The following NEK11 variants were observed in gnomAD, a reference collection of about 807,000 sequenced individuals.
The protein encoded by NEK11 is serine/threonine-protein kinase Nek11.
NEK11 carries 72 observed loss-of-function variants against 80.7 expected under a neutral mutation model. The observed-to-expected ratio is 0.89, with a 90% confidence interval of 0.74 to 1.08. NEK11 has a LOEUF of 1.08. Ranked by LOEUF, NEK11 falls within the 50% of genes least tolerant of loss-of-function variation. The pLI, the probability that NEK11 is intolerant of heterozygous loss-of-function variation, is 0.00. For missense variants in NEK11, 764 were observed against 763.6 expected, an observed-to-expected ratio of 1.00 and a Z score of -0.01; for synonymous variants, 251 against 260.7, an observed-to-expected ratio of 0.96 and a Z score of 0.36.
intron 3 of NEK11, among the ~76,000 whole-genome samples, chr3:131,058,268 A>G (rs576471962): frequency 6.6e-6 from 1 of 152,286 alleles, no homozygotes; most frequent in East Asian, 1.9e-4. Context: ...TGGTACCAGT[A>G]CCATGCTGTT....
chr3:131,292,623 C>T (rs1175606179), intron 17 of NEK11, among the ~76,000 whole-genome samples: 1 of 151,768 alleles, frequency 6.6e-6, no homozygotes, highest in Non-Finnish European at 1.5e-5. Flanking sequence ...TCAGGTGATC[C>T]TTCTGCCTCA....
chr3:131,185,058 A>G (rs2093542845), intron 14 of NEK11, among the ~76,000 whole-genome samples: 1 of 152,180 alleles, frequency 6.6e-6, no homozygotes, highest in African/African-American at 2.4e-5. Flanking sequence ...TTACAGGTGC[A>G]CACTTGTTTC....
chr3:131,036,773 C>A (rs1186066783), intron 3 of NEK11, among the ~76,000 whole-genome samples: 2 of 152,142 alleles, frequency 1.3e-5, no homozygotes, highest in East Asian at 3.8e-4. Context: ...GTAGGAGGGG[C>A]CTGACAATTT....
chr3:131,149,165 C>A (rs1377806178), intron 7 of NEK11, among the ~76,000 whole-genome samples: 3 of 151,964 alleles, frequency 2.0e-5, no homozygotes, highest in Non-Finnish European at 4.4e-5. Flanking sequence ...CTCAAGTAGG[C>A]CCCAGTGTTT....
rs72991544 is a variant in NEK11, at chr3:131,256,942, G to A, written c.1621+13446G>A. ...CCTGGATGTGGCTGATGTTCCTACC[G>A]CAAACCTGCCTGGATGGACTTCATG... On this transcript the variant is annotated intron_variant, in intron 16 of 17. Coordinates refer to ENST00000383366, the MANE Select transcript of NEK11 (RefSeq NM_024800.5). Among the ~76,000 whole-genome samples the A allele has an allele frequency of 4.4e-3, 662 of 152,064 alleles. 5 individuals carry two copies. Among genetic ancestry groups the A allele is most frequent in the African/African-American group, 0.015 (636 of 41,474 alleles).
chr3:131,306,674 CA>C (rs1371114114), intron 17 of NEK11, among the ~76,000 whole-genome samples: 1 of 152,186 alleles, frequency 6.6e-6, no homozygotes, highest in Admixed American at 6.5e-5. Flanking sequence ...CTAAGAAGAA[CA>C]GAGCGCACTG....
At chr3:131,116,644 C>T (rs2081285058) in intron 5 of NEK11, among the ~76,000 whole-genome samples, 1 of 152,150 alleles carries the variant, frequency 6.6e-6, no homozygotes, top group South Asian at 2.1e-4. Flanking sequence ...CCTGTTGTTT[C>T]CTGACTTTTT....
intron 3 of NEK11, among the ~76,000 whole-genome samples, chr3:131,077,035 C>T (rs1553848090): frequency 6.6e-6 from 1 of 152,132 alleles, no homozygotes; most frequent in Non-Finnish European, 1.5e-5. Flanking sequence ...AGGCCAATTT[C>T]AAGGGAATGA....
At chr3:131,168,365 A>T (rs2718882) in intron 12 of NEK11, among the ~76,000 whole-genome samples, 117,349 of 147,150 alleles carry the variant, frequency 0.8, 46,663 homozygotes, top group East Asian at 0.85. Flanking sequence ...TTATTTATTT[A>T]TTTTTTTTTG....
chr3:131,204,689 G>A (rs1282270009), intron 14 of NEK11, among the ~76,000 whole-genome samples: 1 of 151,680 alleles, frequency 6.6e-6, no homozygotes, highest in Non-Finnish European at 1.5e-5. Flanking sequence ...TAAATAAATA[G>A]TACTACAATG....
In NEK11 at chr3:131,133,940, A is replaced by G; in HGVS notation, c.631A>G (p.Thr211Ala). ...GGCTCTGAAACACCAAGGCTATGAC[A>G]CAAAGTCGGACATCTGGTGAGTGGG... The part of the protein sequence containing the change: ...PEALKHQGYD[T>A]KSDIWSLACI... The change falls in exon 7 of 18, where the codon ACA (threonine) becomes GCA (alanine). Residue 211 changes from threonine (T) to alanine (A), a missense_variant. Transcript: ENST00000383366. 6.2e-7 allele frequency: 1 copy of G among 1,609,652 alleles called. No individual in the cohort carries two copies. The highest frequency in any genetic ancestry group is 8.5e-7 in the Non-Finnish European group (1 of 1,177,588).
chr3:131,191,891 T>C (rs969181495), intron 14 of NEK11, among the ~76,000 whole-genome samples: 1 of 152,118 alleles, frequency 6.6e-6, no homozygotes, highest in Non-Finnish European at 1.5e-5. Context: ...ATGACAGTAA[T>C]TTATTGATAT....
At chr3:131,269,906 C>T (rs1009250352) in intron 16 of NEK11, among the ~76,000 whole-genome samples, 2 of 152,184 alleles carry the variant, frequency 1.3e-5, no homozygotes, top group African/African-American at 4.8e-5. Flanking sequence ...AAGCTGATAA[C>T]ACAGTGGAAC....
intron 7 of NEK11, among the ~76,000 whole-genome samples, chr3:131,151,634 T>G (rs994743069): frequency 2.0e-5 from 3 of 151,826 alleles, no homozygotes; most frequent in African/African-American, 7.3e-5. Context: ...AAGATAAAAA[T>G]AATTCATTAT....
chr3:131,315,554 T>C (rs1227268024), intron 17 of NEK11, among the ~76,000 whole-genome samples: 2 of 151,984 alleles, frequency 1.3e-5, no homozygotes, highest in South Asian at 2.1e-4. Context: ...CTTTTTTTTT[T>C]TTCTTCAACT....
At chr3:131,122,436 C>G (rs1220494905) in intron 5 of NEK11, among the ~76,000 whole-genome samples, 1 of 152,212 alleles carries the variant, frequency 6.6e-6, no homozygotes, top group African/African-American at 2.4e-5. Context: ...CCTGACCCTG[C>G]TTCTGACTTA....
intron 17 of NEK11, among the ~76,000 whole-genome samples, chr3:131,308,922 A>G (rs1348139210): frequency 6.6e-6 from 1 of 152,174 alleles, no homozygotes; most frequent in East Asian, 1.9e-4. Context: ...AGAATCTCAT[A>G]AGGAGCACGC....
intron 4 of NEK11, among the ~76,000 whole-genome samples, chr3:131,090,028 T>C (rs1246537913): frequency 6.6e-6 from 1 of 152,202 alleles, no homozygotes; most frequent in Non-Finnish European, 1.5e-5. Context: ...TTTGTTTTTG[T>C]TTTTGTTTTA....
chr3:131,103,279 C>G (rs2078673209), intron 4 of NEK11, among the ~76,000 whole-genome samples: 1 of 152,162 alleles, frequency 6.6e-6, no homozygotes, highest in Non-Finnish European at 1.5e-5. Context: ...TTGGTTCTTT[C>G]TCATCTGAGA....
Sources: allele counts gnomAD v4.1 joint callset (sites outside exome capture counted in the v4.1 genomes callset), GRCh38; gene constraint gnomAD v4.1.1; transcripts MANE v1.5; gene names NCBI Gene and HGNC (gene_info 2026-07-23, HGNC 2026-07-21).